Variants in CAMKMT observed in about 807,000 individuals in gnomAD.
CAMKMT encodes calmodulin-lysine N-methyltransferase, also known as CaM KMT.
CAMKMT carries 53 observed loss-of-function variants against 48.0 expected under a neutral mutation model. The ratio of observed to expected loss-of-function variants is 1.10; its 90% CI spans 0.89 to 1.39. The LOEUF (loss-of-function observed/expected upper bound fraction) is 1.39, where lower values mean the gene tolerates loss of function less well. Among genes scored for constraint, CAMKMT ranks in the 40% most tolerant of loss-of-function variants. CAMKMT has a pLI of 0.00. For missense variants in CAMKMT, 428 were observed against 402.7 expected, an observed-to-expected ratio of 1.06 and a Z score of -0.54; for synonymous variants, 165 against 152.3, an observed-to-expected ratio of 1.08 and a Z score of -0.61.
At chr2:44,687,541 C>T (rs1469602955) in intron 3 of CAMKMT, among the ~76,000 whole-genome samples, 2 of 152,208 alleles carry the variant, frequency 1.3e-5, no homozygotes, top group Non-Finnish European at 2.9e-5. Context: ...AGGGTGGCCT[C>T]ACAGTTTGGA....
chr2:44,484,674 G>A (rs1346375325), intron 3 of CAMKMT, among the ~76,000 whole-genome samples: 2 of 131,020 alleles, frequency 1.5e-5, no homozygotes. Context: ...AGTTAGGTAA[G>A]GATATCTTAA....
chr2:44,443,591 G>A (rs1666800338), intron 3 of CAMKMT, among the ~76,000 whole-genome samples: 1 of 152,092 alleles, frequency 6.6e-6, no homozygotes, highest in Non-Finnish European at 1.5e-5. Flanking sequence ...TTGCTTTGTA[G>A]TTTAACAGGT....
intron 3 of CAMKMT, among the ~76,000 whole-genome samples, chr2:44,594,412 C>T (rs9750308): frequency 8.5e-5 from 13 of 152,086 alleles, no homozygotes; most frequent in East Asian, 1.9e-4. Flanking sequence ...CTTCAAACTA[C>T]GCTACAAGGC....
chr2:44,365,342 A>G (rs1263335356), intron 1 of CAMKMT, among the ~76,000 whole-genome samples: 1 of 152,214 alleles, frequency 6.6e-6, no homozygotes, highest in African/African-American at 2.4e-5. Context: ...GTTTTGAGAG[A>G]AAACCTGGTT....
chr2:44,482,399 A>G (rs556804109), intron 3 of CAMKMT, among the ~76,000 whole-genome samples: 48 of 152,294 alleles, frequency 3.2e-4, no homozygotes, highest in African/African-American at 1.1e-3. Flanking sequence ...TGGAATCTTT[A>G]GTGTGAATGA....
At chr2:44,445,546 G>T (rs1376231615) in intron 3 of CAMKMT, among the ~76,000 whole-genome samples, 3 of 150,708 alleles carry the variant, frequency 2.0e-5, no homozygotes, top group Admixed American at 2.0e-4. Flanking sequence ...ATTCCCCTAA[G>T]ATGCACCCTC....
At chr2:44,729,453 C>T (rs146339975) in intron 7 of CAMKMT, among the ~76,000 whole-genome samples, 123 of 152,174 alleles carry the variant, frequency 8.1e-4, no homozygotes, top group Non-Finnish European at 1.2e-3. Context: ...CAGGGTGGTA[C>T]GGTATAATAC....
intron 3 of CAMKMT, among the ~76,000 whole-genome samples, chr2:44,558,998 T>C (rs778490881): frequency 1.4e-4 from 22 of 152,088 alleles, no homozygotes; most frequent in Non-Finnish European, 2.9e-4. Flanking sequence ...GATAGATAGA[T>C]AGATAGATAA....
At chr2:44,568,857 C>G (rs1668755412) in intron 3 of CAMKMT, among the ~76,000 whole-genome samples, 1 of 152,134 alleles carries the variant, frequency 6.6e-6, no homozygotes. Flanking sequence ...TGCGGAAGCC[C>G]AGACCACAGA....
At chr2:44,366,193 A>T (rs1678571461) in intron 1 of CAMKMT, among the ~76,000 whole-genome samples, 1 of 152,218 alleles carries the variant, frequency 6.6e-6, no homozygotes, top group Non-Finnish European at 1.5e-5. Context: ...TGACAAGTTA[A>T]ATATTTAATT....
At chr2:44,376,814 CTT>C (rs1405840947) in intron 2 of CAMKMT, among the ~76,000 whole-genome samples, 2 of 152,158 alleles carry the variant, frequency 1.3e-5, no homozygotes, top group Admixed American at 1.3e-4. Flanking sequence ...CCCTTAGTGA[CTT>C]TTCATCTGAA....
chr2:44,765,035 C>A (rs1404004421), intron 9 of CAMKMT, among the ~76,000 whole-genome samples: 1 of 151,804 alleles, frequency 6.6e-6, no homozygotes, highest in African/African-American at 2.4e-5. Context: ...CCAACCTGGT[C>A]AACATGGCGA....
rs191424110 is a variant in CAMKMT, at chr2:44,378,682, C to T, written c.311+5794C>T. On this transcript the variant is annotated intron_variant, in intron 2 of 10. Transcript: ENST00000378494. ...CTAATTTTTGTATTTTTAGTAGAGA[C>T]GGGGTTTCACCATGTTGGCCAGGAT... is the stretch of plus-strand genomic sequence containing the variant. Among the ~76,000 whole-genome samples the T allele has an allele frequency of 3.4e-3, 523 of 152,172 alleles. 2 individuals are homozygous for T. Among genetic ancestry groups the T allele is most frequent in the African/African-American group, 0.011 (458 of 41,552 alleles).
intron 3 of CAMKMT, among the ~76,000 whole-genome samples, chr2:44,613,311 A>C (rs72882982): frequency 0.036 from 5,519 of 152,244 alleles, 283 homozygotes; most frequent in African/African-American, 0.11. Flanking sequence ...CACTTTCTTG[A>C]ATGCCATACC....
Position 44,630,589 on chromosome 2 carries a change from C to T in CAMKMT, c.377-73694C>T, listed in dbSNP as rs1481438870. On this transcript the variant is annotated intron_variant, in intron 3 of 10. Coordinates refer to ENST00000378494, the MANE Select transcript of CAMKMT (RefSeq NM_024766.5). The stretch of plus-strand genomic sequence containing the variant: ...ACCCCATCAAAAAGTGGGCGAAGGA[C>T]ATGAACAGACACTTCTCAAAAGAAG... Among the ~76,000 whole-genome samples the T allele has an allele frequency of 5.9e-5, 9 of 151,788 alleles. No homozygotes were observed. The East Asian group carries it at 7.7e-4, about 13-fold the overall frequency.
At position 44,657,210 on chromosome 2, in the gene CAMKMT, T is replaced by G. The variant is rs769921563; in HGVS notation, c.377-47073T>G. Among the ~76,000 whole-genome samples, 1 of 152,182 alleles carries G rather than the reference T, an allele frequency of 6.6e-6. No homozygotes were observed. Among genetic ancestry groups the G allele is most frequent in the Non-Finnish European group, 1.5e-5 (1 of 68,036 alleles). ...GTGGAGAGGTCAGGACCTCTCAGAG[T>G]TGAATTTTAGAAGATTCAGATAACT... On this transcript the variant is annotated intron_variant, in intron 3 of 10. Coordinates refer to ENST00000378494, the MANE Select transcript of CAMKMT (RefSeq NM_024766.5). The surrounding 1 kb of genome is among the most constrained non-coding windows in gnomAD (Gnocchi z 4.3).
intron 3 of CAMKMT, among the ~76,000 whole-genome samples, chr2:44,563,448 A>G (rs181313722): frequency 1.3e-5 from 2 of 151,858 alleles, no homozygotes; most frequent in Admixed American, 1.3e-4. Flanking sequence ...ATATCAAGGG[A>G]GAGTATAGTC....
chr2:44,604,315 A>G (rs1671160081), intron 3 of CAMKMT, among the ~76,000 whole-genome samples: 1 of 152,166 alleles, frequency 6.6e-6, no homozygotes, highest in African/African-American at 2.4e-5. Flanking sequence ...ATATTTCCCT[A>G]CTGAGTTCAT....
At chr2:44,391,575 C>T (rs1189932555) in intron 3 of CAMKMT, among the ~76,000 whole-genome samples, 1 of 151,960 alleles carries the variant, frequency 6.6e-6, no homozygotes, top group Non-Finnish European at 1.5e-5. Context: ...TTGAGTCAGG[C>T]TTAAACATAT....
Sources: gnomAD v4.1 joint callset for allele counts (sites outside exome capture counted in the v4.1 genomes callset) on GRCh38, gnomAD v4.1.1 for gene constraint, Gnocchi (gnomAD v3.1) non-coding constraint, MANE v1.5 for transcripts, NCBI Gene and HGNC (gene_info 2026-07-23, HGNC 2026-07-21) for gene names.